The following RALY variants were observed in gnomAD, a reference collection of about 807,000 sequenced individuals.
RALY encodes RNA-binding protein Raly.
RALY carries 15 observed loss-of-function variants against 30.7 expected under a neutral mutation model. The ratio of observed to expected loss-of-function variants is 0.49; its 90% CI spans 0.33 to 0.75. The LOEUF (loss-of-function observed/expected upper bound fraction) is 0.75, where lower values mean the gene tolerates loss of function less well. Among genes scored for constraint, RALY ranks in the 30% least tolerant of loss-of-function variants. RALY has a pLI of 0.02. For missense variants in RALY, 339 were observed against 414.3 expected (o/e 0.82, Z 1.58); for synonymous variants, 177 against 170.8 (o/e 1.04, Z -0.28).
chr20:34,048,626 G>A (rs1367482006), intron 2 of RALY, among the ~76,000 whole-genome samples: 1 of 152,194 alleles, frequency 6.6e-6, no homozygotes, highest in African/African-American at 2.4e-5. Context: ...GGAGGCTGAG[G>A]CAGGTGGATC....
intron 1 of RALY, among the ~76,000 whole-genome samples, chr20:33,999,080 A>T (rs545333149): frequency 1.3e-5 from 2 of 149,364 alleles, no homozygotes; most frequent in East Asian, 4.0e-4. Flanking sequence ...CAGTGAGCTG[A>T]GATCGAACCA....
Position 34,064,755 on chromosome 20 carries a change from A to G in RALY, c.-9-7311A>G, listed in dbSNP as rs184186104. Among the ~76,000 whole-genome samples the G allele has an allele frequency of 3.5e-4, 53 of 152,280 alleles. 1 individual carries two copies. Among genetic ancestry groups the G allele is most frequent in the African/African-American group, 1.2e-3 (48 of 41,554 alleles). ...AGGCTAGGTTCATCTGTTTTCATAG[A>G]GCATTTGGGTTATCCAGTTTCTTAA... On this transcript the variant is annotated intron_variant, in intron 2 of 9. Transcript: ENST00000246194.
chr20:34,073,549 C>T lies in RALY; in HGVS notation c.257-14C>T. 1 of 1,570,942 alleles carries T rather than the reference C, an allele frequency of 6.4e-7. No individual in the cohort carries two copies. The highest frequency in any genetic ancestry group is 8.8e-7 in the Non-Finnish European group (1 of 1,140,730). ...CATGTTAGCATTCCAACTCTGCCTTCTCCCTCCACACAGACATCAACATGG... is the reference window on the plus strand; with the variant it reads ...CATGTTAGCATTCCAACTCTGCCTTTTCCCTCCACACAGACATCAACATGG... On this transcript the variant is annotated splice_polypyrimidine_tract_variant and intron_variant, in intron 3 of 9. Coordinates refer to ENST00000246194, the MANE Select transcript of RALY (RefSeq NM_016732.3).
chr20:34,012,246 T>A (rs1446867740), intron 1 of RALY, among the ~76,000 whole-genome samples: 1 of 152,014 alleles, frequency 6.6e-6, no homozygotes, highest in Non-Finnish European at 1.5e-5. Flanking sequence ...TGCAGCCCTA[T>A]CATCATGAGG....
intron 2 of RALY, among the ~76,000 whole-genome samples, chr20:34,054,495 A>G (rs779959675): frequency 2.6e-5 from 4 of 152,224 alleles, no homozygotes; most frequent in Non-Finnish European, 5.9e-5. Flanking sequence ...GTTTGTACTC[A>G]GAAAACTCCT....
chr20:34,058,217 A>G (rs1392749964), intron 2 of RALY, among the ~76,000 whole-genome samples: 4 of 152,092 alleles, frequency 2.6e-5, no homozygotes, highest in Non-Finnish European at 5.9e-5. Context: ...TGGGTGTGTT[A>G]TACCTGTCGT....
chr20:34,078,472 G>A (rs1234329584), intron 8 of RALY, 33 bp from the exon 9 acceptor site: 7 of 1,543,542 alleles, frequency 4.5e-6, no homozygotes, highest in Non-Finnish European at 6.1e-6. Context: ...GGCAATGAGT[G>A]ATGTGTGGTC....
chr20:34,071,523 C>T (rs1037991626), intron 2 of RALY, among the ~76,000 whole-genome samples: 12 of 152,092 alleles, frequency 7.9e-5, no homozygotes, highest in African/African-American at 2.2e-4. Context: ...AGGTGATGCA[C>T]CCGTCTCGGC....
intron 1 of RALY, among the ~76,000 whole-genome samples, chr20:34,022,330 G>C (rs2031860444): frequency 6.6e-6 from 1 of 152,038 alleles, no homozygotes; most frequent in Non-Finnish European, 1.5e-5. Flanking sequence ...AGAAAATCTG[G>C]ATCATAGTAT....
At chr20:34,040,348 C>T (rs1245759859) in intron 2 of RALY, among the ~76,000 whole-genome samples, 2 of 152,140 alleles carry the variant, frequency 1.3e-5, no homozygotes, top group African/African-American at 4.8e-5. Flanking sequence ...GCTTTTTTAA[C>T]ATCTCCGCCA....
rs1208759040 is a variant in RALY, at chr20:34,082,578, C to G, written c.*2673C>G. ...AAGGGTAGCAGGCATCAGCTCTACT[C>G]ACCTTGGCCCATAAGGCTTTGCCTG... On this transcript the variant is annotated 3_prime_UTR_variant, in exon 10 of 10. Coordinates refer to ENST00000246194, the MANE Select transcript of RALY (RefSeq NM_016732.3). The G allele has an allele frequency of 6.6e-6, 1 of 152,242 alleles. No homozygotes were observed. Among genetic ancestry groups the G allele is most frequent in the Non-Finnish European group, 1.5e-5 (1 of 68,062 alleles). The allele number at this position is 152,242 out of a possible 1,614,324, so 9.4% of individuals were successfully genotyped here.
At chr20:34,023,025 C>T (rs140959568) in intron 1 of RALY, among the ~76,000 whole-genome samples, 56 of 152,258 alleles carry the variant, frequency 3.7e-4, no homozygotes, top group Middle Eastern at 6.8e-3. Context: ...GTCAGTCTGA[C>T]TGCTAGAGTG....
intron 1 of RALY, among the ~76,000 whole-genome samples, chr20:34,019,560 A>G (rs1024888054): frequency 3.9e-5 from 6 of 152,140 alleles, no homozygotes; most frequent in African/African-American, 1.4e-4. Flanking sequence ...GAAGATCCCC[A>G]TGTTCTAGTA....
rs1281357997 is a variant in RALY at position 34,014,275 on chromosome 20, T to TG, written c.-92-17245dup. Among the ~76,000 whole-genome samples the TG allele has an allele frequency of 3.9e-5, 6 of 152,292 alleles. No homozygotes were observed. The South Asian group carries it at 1.0e-3, about 26-fold the overall frequency. On this transcript the variant is annotated intron_variant, in intron 1 of 9. Coordinates refer to ENST00000246194, the MANE Select transcript of RALY (RefSeq NM_016732.3). ...TGTAGGGCCAGTACCTACTGGCAGT[T>TG]GGATTCAGGGAAATGGGATTGACTT...
At chr20:33,994,796 A>G (rs1210022443) in intron 1 of RALY, among the ~76,000 whole-genome samples, 1 of 152,124 alleles carries the variant, frequency 6.6e-6, no homozygotes, top group Non-Finnish European at 1.5e-5. Flanking sequence ...GGATTCAGGG[A>G]GGGAACTAAT....
intron 2 of RALY, among the ~76,000 whole-genome samples, chr20:34,068,731 G>A (rs1022240923): frequency 7.9e-5 from 12 of 152,196 alleles, no homozygotes; most frequent in African/African-American, 2.7e-4. Context: ...TTCTGTACTT[G>A]AACCTGGCAG....
intron 1 of RALY, among the ~76,000 whole-genome samples, chr20:34,011,015 T>G (rs2123014678): frequency 9.2e-6 from 1 of 108,476 alleles, no homozygotes; most frequent in Admixed American, 1.3e-4. Flanking sequence ...ATTTTTTGAG[T>G]GAATGAATAA....
intron 1 of RALY, among the ~76,000 whole-genome samples, chr20:34,006,131 CTT>C (rs1366497952): frequency 1.3e-5 from 2 of 152,154 alleles, no homozygotes; most frequent in African/African-American, 4.8e-5. Context: ...ACCAATTCCT[CTT>C]TATTTTTAAT....
At chr20:33,999,038 G>A (rs2030779026) in intron 1 of RALY, among the ~76,000 whole-genome samples, 1 of 150,818 alleles carries the variant, frequency 6.6e-6, no homozygotes. Flanking sequence ...GCTAAGGCAG[G>A]AGAATCACTT....
Sources: gnomAD v4.1 joint callset for allele counts (sites outside exome capture counted in the v4.1 genomes callset) on GRCh38, gnomAD v4.1.1 for gene constraint, MANE v1.5 for transcripts, NCBI Gene and HGNC (gene_info 2026-07-23, HGNC 2026-07-21) for gene names.